The following PTPRB variants were observed in gnomAD, a reference collection of about 807,000 sequenced individuals.
The protein encoded by PTPRB is receptor-type tyrosine-protein phosphatase beta.
A neutral mutation model predicts 238.1 loss-of-function variants in PTPRB; 97 were observed. The ratio of observed to expected loss-of-function variants is 0.41; its 90% CI spans 0.35 to 0.48. The LOEUF (loss-of-function observed/expected upper bound fraction) is 0.48, where lower values mean the gene tolerates loss of function less well. Among genes scored for constraint, PTPRB ranks in the 20% least tolerant of loss-of-function variants. The pLI is 0.30. For missense variants in PTPRB, 2,292 were observed against 2,681.9 expected, an observed-to-expected ratio of 0.85 and a Z score of 3.21; for synonymous variants, 970 against 995.4, an observed-to-expected ratio of 0.97 and a Z score of 0.48.
At chr12:70,552,245 A>C (rs545722106) in intron 21 of PTPRB, among the ~76,000 whole-genome samples, 82 of 152,270 alleles carry the variant, frequency 5.4e-4, no homozygotes, top group Non-Finnish European at 1.0e-3. Flanking sequence ...GCACTTTGGG[A>C]GGCCAAGGCA....
chr12:70,592,843 T>G (rs1030254409), intron 6 of PTPRB, among the ~76,000 whole-genome samples: 1 of 152,246 alleles, frequency 6.6e-6, no homozygotes, highest in East Asian at 1.9e-4. Context: ...ATTAGTCAGC[T>G]GGGAAACTCT....
intron 10 of PTPRB, among the ~76,000 whole-genome samples, chr12:70,576,997 G>A (rs1223908462): frequency 6.6e-6 from 1 of 152,086 alleles, no homozygotes; most frequent in Non-Finnish European, 1.5e-5. Context: ...GTAAGAAAGG[G>A]AACAAATATT....
chr12:70,633,595 T>C (rs1885551550), intron 2 of PTPRB, among the ~76,000 whole-genome samples: 1 of 152,228 alleles, frequency 6.6e-6, no homozygotes, highest in Non-Finnish European at 1.5e-5. Flanking sequence ...AGGGTGTTTT[T>C]GTACCACAAT....
Position 70,597,147 on chromosome 12 carries a change from C to T in PTPRB, c.980-820G>A, listed in dbSNP as rs187036624. Among the ~76,000 whole-genome samples, 1,275 of 152,188 alleles carry T rather than the reference C, an allele frequency of 8.4e-3. 13 individuals are homozygous for T. Among genetic ancestry groups the T allele is most frequent in the South Asian group, 0.024 (117 of 4,824 alleles). On this transcript the variant is annotated intron_variant, in intron 4 of 33. Transcript: ENST00000334414. ...ATGTTGGCCAGGCTGGTCTCAAACT[C>T]CTGACTTCAGGTGATCTGCCCGCCT...
At chr12:70,530,406 T>C (rs190813290) in intron 32 of PTPRB, among the ~76,000 whole-genome samples, 2 of 152,296 alleles carry the variant, frequency 1.3e-5, no homozygotes, top group Admixed American at 6.5e-5. Flanking sequence ...ATATCACATA[T>C]GCATACAAAT....
At chr12:70,633,717 T>C (rs1885558854) in intron 2 of PTPRB, among the ~76,000 whole-genome samples, 2 of 152,214 alleles carry the variant, frequency 1.3e-5, no homozygotes, top group Admixed American at 1.3e-4. Context: ...AAATGGCTTA[T>C]TCTAGTTACC....
rs754380393 is a variant in PTPRB at position 70,635,849 on chromosome 12, G to C, written c.273C>G (p.Pro91=). 1.2e-6 allele frequency: 2 copies of C among 1,613,592 alleles called. No homozygotes were observed. Among genetic ancestry groups the C allele is most frequent in the Non-Finnish European group, 1.7e-6 (2 of 1,179,784 alleles). The change falls in exon 2 of 34, where the codon CCC becomes CCG. Residue 91 remains proline (P), a synonymous_variant. Coordinates refer to ENST00000334414, the MANE Select transcript of PTPRB (RefSeq NM_001109754.4). The part of the protein sequence containing the change: ...SAILDRCSQA[P]RWTCYDQEGF... ...CTTCCTGATCATAGCAGGTCCATCG[G>C]GGTGCCTGGGAACAGCGGTCCAAGA...
chr12:70,562,767 A>C (rs1225528561), intron 16 of PTPRB, 77 bp downstream of exon 16: 56 of 1,524,968 alleles, frequency 3.7e-5, no homozygotes, highest in Non-Finnish European at 4.8e-5. Flanking sequence ...TAGGAAACTA[A>C]GGACCAACCA....
chr12:70,533,109 A>G (rs1279700393), intron 31 of PTPRB, among the ~76,000 whole-genome samples: 1 of 152,192 alleles, frequency 6.6e-6, no homozygotes, highest in Admixed American at 6.5e-5. Context: ...TGGGTTGGTC[A>G]TGGGCATGAA....
At chr12:70,564,557 C>T (rs989278149) in intron 15 of PTPRB, among the ~76,000 whole-genome samples, 69 of 146,664 alleles carry the variant, frequency 4.7e-4, no homozygotes, top group African/African-American at 1.5e-3. Flanking sequence ...CTTGACCAGG[C>T]GTGGTGGCTC....
intron 6 of PTPRB, among the ~76,000 whole-genome samples, chr12:70,593,661 G>A (rs376080932): frequency 1.9e-4 from 29 of 152,018 alleles, no homozygotes; most frequent in East Asian, 7.7e-4. Context: ...ACATATATTT[G>A]AGGTGTGTTA....
At chr12:70,616,995 C>G (rs544586535) in intron 3 of PTPRB, among the ~76,000 whole-genome samples, 15 of 152,312 alleles carry the variant, frequency 9.8e-5, no homozygotes, top group African/African-American at 3.6e-4. Context: ...ACCTGAGTTA[C>G]AAATTCCACC....
At chr12:70,570,901 T>G in intron 13 of PTPRB, 125 bp downstream of exon 13, 1 of 1,023,408 alleles carries the variant, frequency 9.8e-7, no homozygotes, top group Non-Finnish European at 1.4e-6. Context: ...ACTATCAACA[T>G]GACTTTGTCC....
rs747981680 is a variant in PTPRB, at chr12:70,594,509, C to T, written c.1474G>A (p.Ala492Thr). Residue 492 changes from alanine (A) to threonine (T), a missense_variant, in exon 6 of 34, where the codon GCT (alanine) becomes ACT (threonine). This residue lies in a region of PTPRB where 1,205 missense variants were observed against 1,287.8 expected (regional missense o/e 0.94). Coordinates refer to ENST00000334414, the MANE Select transcript of PTPRB (RefSeq NM_001109754.4). The part of the protein sequence containing the change: ...YLYNLTVMTE[A>T]AGLQNYRWKL... ...CACCTGTAGTTTTGCAGCCCTGCAG[C>T]CTCAGTCATAACAGTGAGGTTGTAG... 7 of 1,613,990 alleles carry T rather than the reference C, an allele frequency of 4.3e-6. No homozygotes were observed. Among genetic ancestry groups the T allele is most frequent in the Middle Eastern group, 3.3e-4 (2 of 6,062 alleles).
At chr12:70,547,008 C>CTT (rs34760484) in intron 21 of PTPRB, among the ~76,000 whole-genome samples, 39 of 146,550 alleles carry the variant, frequency 2.7e-4, no homozygotes, top group East Asian at 1.6e-3. Flanking sequence ...AGAAGTACTC[C>CTT]TTTTTTTTTT....
chr12:70,605,821 A>G (rs73328131), intron 4 of PTPRB, among the ~76,000 whole-genome samples: 3,620 of 152,268 alleles, frequency 0.024, 125 homozygotes, highest in African/African-American at 0.067. Context: ...TTAGACACCT[A>G]GCTATCTCTA....
intron 18 of PTPRB, among the ~76,000 whole-genome samples, chr12:70,558,097 C>T (rs1320072358): frequency 6.6e-6 from 1 of 152,138 alleles, no homozygotes; most frequent in East Asian, 1.9e-4. Context: ...AGCTTTGTTC[C>T]ATCCAGTGTT....
At position 70,559,436 on chromosome 12, in the gene PTPRB, G is replaced by A. The variant is rs541645292; in HGVS notation, c.4621C>T (p.Arg1541Cys). 71 of 1,613,872 alleles carry A rather than the reference G, an allele frequency of 4.4e-5. No individual in the cohort carries two copies. The highest frequency in any genetic ancestry group is 5.3e-5 in the Non-Finnish European group (62 of 1,179,864). Residue 1541 changes from arginine (R) to cysteine (C), a missense_variant, in exon 18 of 34, where the codon CGT becomes TGT. Arg to Cys is a radical substitution (Grantham distance 180). Transcript: ENST00000334414. ...TTGAATTGATAGGATCTCCCTGGAC[G>A]AAGACCATACACAATGCGTCCTTCT... ...KSEGRIVYGL[R>C]PGRSYQFNVK... is the part of the protein sequence containing the mutation.
chr12:70,537,702 C>G (rs761021183), intron 28 of PTPRB, among the ~76,000 whole-genome samples: 1 of 152,116 alleles, frequency 6.6e-6, no homozygotes, highest in Non-Finnish European at 1.5e-5. Context: ...TTGTTTGACC[C>G]GAAAGCTTTT....
Sources: allele counts gnomAD v4.1 joint callset (sites outside exome capture counted in the v4.1 genomes callset), GRCh38; gene constraint gnomAD v4.1.1; regional missense constraint gnomAD v4.1.1; transcripts MANE v1.5; gene names NCBI Gene and HGNC (gene_info 2026-07-23, HGNC 2026-07-21).